The following CACNA2D1 variants were observed in gnomAD, a reference collection of about 807,000 sequenced individuals.
The protein encoded by CACNA2D1 is calcium voltage-gated channel auxiliary subunit alpha2delta 1, also known as voltage-dependent calcium channel subunit alpha-2/delta-1.
Under a neutral mutation model 171.5 loss-of-function variants are expected in CACNA2D1, and 53 were observed. The observed-to-expected ratio is 0.31, with a 90% CI of 0.25 to 0.39. The LOEUF (loss-of-function observed/expected upper bound fraction) is 0.39, where lower values mean the gene tolerates loss of function less well. CACNA2D1 is among the 10% of genes least tolerant of loss of function. The pLI is 1.00. For synonymous variants in CACNA2D1, 442 were observed against 443.1 expected (o/e 1.00, Z 0.03); for missense variants, 903 against 1,299.8 (o/e 0.69, Z 4.69).
chr7:82,084,962 C>T (rs1810272496), intron 6 of CACNA2D1, 62 bp from the exon 7 acceptor site: 1 of 1,227,864 alleles, frequency 8.1e-7, no homozygotes, highest in Non-Finnish European at 1.2e-6. Flanking sequence ...TGAATGTCTT[C>T]ATTTATTTAC....
At chr7:82,259,748 A>G (rs1806834244) in intron 3 of CACNA2D1, among the ~76,000 whole-genome samples, 1 of 152,198 alleles carries the variant, frequency 6.6e-6, no homozygotes, top group Non-Finnish European at 1.5e-5. Flanking sequence ...TGCAGTGGTT[A>G]AGAGCTCAGA....
At chr7:82,162,477 G>A (rs981562434) in intron 4 of CACNA2D1, among the ~76,000 whole-genome samples, 8 of 151,894 alleles carry the variant, frequency 5.3e-5, no homozygotes, top group Admixed American at 1.3e-4. Context: ...TAAAGGAGGA[G>A]GTCATTTTGC....
chr7:82,297,109 T>C (rs985470051), intron 3 of CACNA2D1, among the ~76,000 whole-genome samples: 3 of 122,706 alleles, frequency 2.4e-5, no homozygotes, highest in South Asian at 2.8e-4. Flanking sequence ...TAGCCAGGTA[T>C]GGTGGCACAC....
intron 7 of CACNA2D1, among the ~76,000 whole-genome samples, chr7:82,073,873 T>A (rs1808639663): frequency 6.6e-6 from 1 of 152,142 alleles, no homozygotes; most frequent in Non-Finnish European, 1.5e-5. Flanking sequence ...AATGCTTTGA[T>A]TACAGGCGTC....
intron 4 of CACNA2D1, among the ~76,000 whole-genome samples, chr7:82,149,161 C>CTCAA: frequency 6.6e-6 from 1 of 152,272 alleles, no homozygotes; most frequent in Non-Finnish European, 1.5e-5. Flanking sequence ...CATGTTTGAG[C>CTCAA]TCAATGCCTG....
At chr7:81,959,111 A>G (rs1793789308) in intron 38 of CACNA2D1, among the ~76,000 whole-genome samples, 164 bp downstream of exon 38, 1 of 152,016 alleles carries the variant, frequency 6.6e-6, no homozygotes, top group African/African-American at 2.4e-5. Flanking sequence ...AACCATGAAA[A>G]CTACTGAAAT....
At chr7:81,965,471 A>G in intron 32 of CACNA2D1, 123 bp downstream of exon 32, 1 of 721,090 alleles carries the variant, frequency 1.4e-6, no homozygotes, top group Non-Finnish European at 2.6e-6. Flanking sequence ...AGCATTTTAC[A>G]AATTATTGTA....
intron 1 of CACNA2D1, among the ~76,000 whole-genome samples, chr7:82,366,883 C>T (rs552527682): frequency 6.2e-5 from 9 of 144,154 alleles, no homozygotes; most frequent in Non-Finnish European, 1.4e-4. Context: ...ACAGCCCTGC[C>T]AGCATCCACT....
chr7:82,013,979 C>A lies in CACNA2D1; in HGVS notation c.1222+422G>T, dbSNP rs1047227365. Among the ~76,000 whole-genome samples the A allele has an allele frequency of 2.0e-5, 3 of 151,794 alleles. No homozygotes were observed. The South Asian group carries it at 6.2e-4, about 32-fold the overall frequency. Reference sequence around the variant, plus strand: ...TCTGAGTGAAAATATGAGCTCACTGCAAATATTTGAATTATCCTGGAATGT... The same window carrying A: ...TCTGAGTGAAAATATGAGCTCACTGAAAATATTTGAATTATCCTGGAATGT... On this transcript the variant is annotated intron_variant, in intron 13 of 38. Coordinates refer to ENST00000356860, the MANE Select transcript of CACNA2D1 (RefSeq NM_000722.4).
At chr7:82,142,660 C>T (rs183641363) in intron 4 of CACNA2D1, among the ~76,000 whole-genome samples, 1 of 152,170 alleles carries the variant, frequency 6.6e-6, no homozygotes, top group Non-Finnish European at 1.5e-5. Flanking sequence ...TGGCTATACT[C>T]AGCTCTGCAC....
chr7:82,240,999 T>G (rs1464675028), intron 3 of CACNA2D1, among the ~76,000 whole-genome samples: 2 of 152,076 alleles, frequency 1.3e-5, no homozygotes, highest in African/African-American at 4.8e-5. Context: ...GGTCTTACTT[T>G]AAAGGTGTCA....
intron 3 of CACNA2D1, among the ~76,000 whole-genome samples, chr7:82,186,002 CA>C (rs1220052045): frequency 6.6e-6 from 1 of 151,632 alleles, no homozygotes; most frequent in African/African-American, 2.4e-5. Context: ...ACTAATAATA[CA>C]AAAATTAGCT....
At chr7:82,364,253 G>C (rs1191484869) in intron 1 of CACNA2D1, among the ~76,000 whole-genome samples, 1 of 152,130 alleles carries the variant, frequency 6.6e-6, no homozygotes, top group Non-Finnish European at 1.5e-5. Flanking sequence ...AAGATTGCAG[G>C]GTTCTGGCTA....
intron 4 of CACNA2D1, among the ~76,000 whole-genome samples, chr7:82,164,390 G>A (rs1795237036): frequency 6.6e-6 from 1 of 151,770 alleles, no homozygotes; most frequent in African/African-American, 2.4e-5. Flanking sequence ...ACATATATTG[G>A]GCATTGGGGA....
chr7:82,395,623 A>G (rs189951588), intron 1 of CACNA2D1, among the ~76,000 whole-genome samples: 104 of 152,308 alleles, frequency 6.8e-4, no homozygotes, highest in African/African-American at 2.2e-3. Flanking sequence ...TATGCTGTTC[A>G]TGGATATGAA....
chr7:82,020,918 C>T (rs1000149680), intron 12 of CACNA2D1: 7 of 152,104 alleles, frequency 4.6e-5, no homozygotes, highest in African/African-American at 1.7e-4. Flanking sequence ...TAAACGGCAA[C>T]AAAGTGCAGT....
At chr7:82,150,726 G>T (rs527289530) in intron 4 of CACNA2D1, among the ~76,000 whole-genome samples, 1 of 152,092 alleles carries the variant, frequency 6.6e-6, no homozygotes, top group South Asian at 2.1e-4. Flanking sequence ...ATAATTAAAT[G>T]ACATTCATTT....
chr7:82,362,845 A>G (rs1349191380), intron 1 of CACNA2D1, among the ~76,000 whole-genome samples: 1 of 152,192 alleles, frequency 6.6e-6, no homozygotes, highest in Non-Finnish European at 1.5e-5. Context: ...TAATAAATGG[A>G]AGCCTCCTTT....
At chr7:82,274,777 T>C (rs1563294223) in intron 3 of CACNA2D1, among the ~76,000 whole-genome samples, 1 of 152,174 alleles carries the variant, frequency 6.6e-6, no homozygotes, top group African/African-American at 2.4e-5. Flanking sequence ...AATTCTTTTT[T>C]GTTGGTTCTA....
Sources: allele counts gnomAD v4.1 joint callset (sites outside exome capture counted in the v4.1 genomes callset), GRCh38; gene constraint gnomAD v4.1.1; transcripts MANE v1.5; gene names NCBI Gene and HGNC (gene_info 2026-07-23, HGNC 2026-07-21).